Variants in NR4A2 observed in about 807,000 individuals in gnomAD.
The protein encoded by NR4A2 is nuclear receptor subfamily 4 group A member 2.
In NR4A2, 1 loss-of-function variant was observed where a neutral mutation model predicts 50.5. The observed-to-expected ratio is 0.02, with a 90% CI of 0.01 to 0.09. The LOEUF (loss-of-function observed/expected upper bound fraction) is 0.09, where lower values mean the gene tolerates loss of function less well. Ranked by LOEUF, NR4A2 falls within the 10% of genes least tolerant of loss-of-function variation. The probability of loss-of-function intolerance (pLI) is 1.00; values close to 1 mark genes in which losing one functional copy is unlikely to be tolerated. For synonymous variants in NR4A2, 328 were observed against 309.4 expected (o/e 1.06, Z -0.63); for missense variants, 613 against 777.3 (o/e 0.79, Z 2.51).
In NR4A2 at chr2:156,325,659, A is replaced by T. The variant is rs1441335772; in HGVS notation, c.*85T>A. The stretch of plus-strand genomic sequence containing the variant: ...GGCAGCTTGAGCTGAGACTGCTCAC[A>T]CGGCTATCTCTGCCCATGTGACTTG... On this transcript the variant is annotated 3_prime_UTR_variant, in exon 8 of 8. Coordinates refer to ENST00000339562, the MANE Select transcript of NR4A2 (RefSeq NM_006186.4). The T allele has an allele frequency of 7.8e-6, 12 of 1,547,476 alleles. No homozygotes were observed. The highest frequency in any genetic ancestry group is 4.1e-5 in the African/African-American group (3 of 73,486).
At position 156,326,730 on chromosome 2, in the gene NR4A2, C is replaced by T. The variant is rs776299489; in HGVS notation, c.1349G>A (p.Arg450Gln). ...ESAFLELFVL[R>Q]LAYRSNPVEG... ...CCTCCCTTATTACCTGTATGCTAAT[C>T]GAAGGACAAACAGTTCTAAGAAAGC... Residue 450 changes from arginine (R) to glutamine (Q), a missense_variant, in exon 6 of 8, where the codon CGA (arginine) becomes CAA (glutamine). This residue lies in a region of NR4A2 where 250 missense variants were observed against 311.3 expected (regional missense o/e 0.80). Transcript: ENST00000339562. This position sits in a 1 kb window ranked among gnomAD's most constrained non-coding sequence, Gnocchi z 4.2. The T allele has an allele frequency of 1.5e-5, 25 of 1,613,870 alleles. No individual in the cohort carries two copies. The highest frequency in any genetic ancestry group is 4.5e-5 in the East Asian group (2 of 44,896).
rs780025241 is a variant in NR4A2, at chr2:156,329,939, A to C, written c.248T>G (p.Leu83Arg). 1 of 1,614,186 alleles carries C rather than the reference A, an allele frequency of 6.2e-7. No individual in the cohort carries two copies. The highest frequency in any genetic ancestry group is 8.5e-7 in the Non-Finnish European group (1 of 1,180,028). Residue 83 changes from leucine (L) to arginine (R), a missense_variant, in exon 3 of 8, where the codon CTG (leucine) becomes CGG (arginine). Physicochemically the swap from Leu to Arg is moderately radical, Grantham distance 102. Around this residue, in one of 4 missense-constraint regions of NR4A2, gnomAD observed 275 missense variants for 248.9 expected, o/e 1.10. Coordinates refer to ENST00000339562, the MANE Select transcript of NR4A2 (RefSeq NM_006186.4). The surrounding 1 kb of genome is among the most constrained non-coding windows in gnomAD (Gnocchi z 7.5). ...CTTAATGGAGGACTGCTGTCCGGAC[A>C]GGGGCATTTGGTACAAGCAAGGTGG... ...VKPPCLYQMP[L>R]SGQQSSIKVE...
intron 5 of NR4A2, 113 bp from the exon 6 acceptor site, chr2:156,327,033 T>C: frequency 1.1e-6 from 1 of 935,360 alleles, no homozygotes; most frequent in Non-Finnish European, 1.7e-6. Flanking sequence ...ATTAAACCTC[T>C]CTCTGACCAG....
In NR4A2 at chr2:156,326,776, G is replaced by C. The variant is rs751894961; in HGVS notation, c.1303C>G (p.Gln435Glu). The change falls in exon 6 of 8, where the codon CAA (glutamine) becomes GAA (glutamate). Residue 435 changes from glutamine to glutamate, a missense_variant. Physicochemically the swap from Gln to Glu is conservative, Grantham distance 29. This residue lies in a region of NR4A2 where 250 missense variants were observed against 311.3 expected (regional missense o/e 0.80). Transcript: ENST00000339562. The surrounding 1 kb of genome is among the most constrained non-coding windows in gnomAD (Gnocchi z 4.2). The stretch of plus-strand genomic sequence containing the variant: ...AAAGCTGATTCAAAAAGCAGGTCTT[G>C]GTCGGCTTTGGGCAGGTCTGCGAAG... ...PGFADLPKAD[Q>E]DLLFESAFLE... The C allele has an allele frequency of 6.2e-7, 1 of 1,614,192 alleles. No homozygotes were observed. The highest frequency in any genetic ancestry group is 8.5e-7 in the Non-Finnish European group (1 of 1,180,032).
At position 156,329,881 on chromosome 2, in the gene NR4A2, T is replaced by C; in HGVS notation, c.306A>G (p.Gln102=). The change falls in exon 3 of 8, where the codon CAA becomes CAG. Residue 102 remains glutamine (Q), a synonymous_variant. Transcript: ENST00000339562. This position sits in a 1 kb window ranked among gnomAD's most constrained non-coding sequence, Gnocchi z 7.5. ...VEDIQMHNYQ[Q]HSHLPPQSEE... is the part of the protein sequence containing the mutation. ...CAGACTGGGGGGGCAGGTGGCTGTG[T>C]TGCTGGTAGTTGTGCATCTGAATGT... 1 of 1,614,120 alleles carries C rather than the reference T, an allele frequency of 6.2e-7. No homozygotes were observed. The highest frequency in any genetic ancestry group is 2.2e-5 in the East Asian group (1 of 44,874).
At position 156,329,585 on chromosome 2, in the gene NR4A2, G is replaced by T. The variant is rs963445165; in HGVS notation, c.602C>A (p.Pro201His). 4.4e-6 allele frequency: 7 copies of T among 1,604,710 alleles called. No homozygotes were observed. In the African/African-American group the frequency reaches 6.7e-5, roughly 15 times the overall value. ...QMRFDGPLHV[P>H]MNPEPAGSHH... Reference sequence around the variant, plus strand: ...GCTGCCGGCGGGCTCCGGGTTCATGGGGACGTGCAGGGGCCCGTCGAAGCG... The same window carrying T: ...GCTGCCGGCGGGCTCCGGGTTCATGTGGACGTGCAGGGGCCCGTCGAAGCG... The change falls in exon 3 of 8, where the codon CCC becomes CAC. Residue 201 changes from proline to histidine, a missense_variant. By Grantham distance (77) the Pro-to-His change is moderately conservative (BLOSUM62 -2). Coordinates refer to ENST00000339562, the MANE Select transcript of NR4A2 (RefSeq NM_006186.4). The surrounding 1 kb of genome is among the most constrained non-coding windows in gnomAD (Gnocchi z 7.5).
In NR4A2 at chr2:156,332,690, T is replaced by C; in HGVS notation, c.-337A>G. ...CGCGAGCCGCCGGGCGGACTGGCCC[T>C]GGCCGCCAATGTGCCTTTGTTTATG... On this transcript the variant is annotated 5_prime_UTR_variant, in exon 1 of 8. Coordinates refer to ENST00000339562, the MANE Select transcript of NR4A2 (RefSeq NM_006186.4). 1 of 376,946 alleles carries C rather than the reference T, an allele frequency of 2.7e-6. No individual in the cohort carries two copies. 23.4% of individuals were successfully genotyped at this position (376,946 alleles called of 1,614,324 possible). A position where few individuals can be genotyped will look rare whatever the true frequency, so the allele number is the denominator to read the frequency against.
At chr2:156,330,306 C>T (rs1487339104) in intron 2 of NR4A2, 118 bp from the exon 3 acceptor site, 6 of 1,202,030 alleles carry the variant, frequency 5.0e-6, no homozygotes, top group African/African-American at 3.0e-5. Context: ...CATGTAGGGG[C>T]GCGAGAGGAA....
At position 156,330,125 on chromosome 2, in the gene NR4A2, C is replaced by T. The variant is rs1686857258; in HGVS notation, c.62G>A (p.Ser21Asn). The T allele has an allele frequency of 6.2e-7, 1 of 1,614,142 alleles. No homozygotes were observed. Among genetic ancestry groups the T allele is most frequent in the African/African-American group, 1.3e-5 (1 of 75,020 alleles). The change falls in exon 3 of 8, where the codon AGC (serine) becomes AAC (asparagine). Residue 21 changes from serine (S) to asparagine (N), a missense_variant. Around this residue, in one of 4 missense-constraint regions of NR4A2, gnomAD observed 61 missense variants for 96.4 expected, o/e 0.63. Transcript: ENST00000339562. Reference sequence around the variant, plus strand: ...TTCTCCCGAAGAGTGGTAACTGTAGCTCTGAGAAGCGGGGCTGGCTCCTTG... The same window carrying T: ...TTCTCCCGAAGAGTGGTAACTGTAGTTCTGAGAAGCGGGGCTGGCTCCTTG... ...SPQGASPASQ[S>N]YSYHSSGEYS...
In NR4A2 at chr2:156,330,702, A is replaced by G. The variant is rs539611274; in HGVS notation, c.-37T>C. ...AGTTACAGGCGTTTTCGAGGAAATT[A>G]AAGGTGGACAGTGTCGTAATTCAAT... On this transcript the variant is annotated 5_prime_UTR_variant, in exon 2 of 8. Coordinates refer to ENST00000339562, the MANE Select transcript of NR4A2 (RefSeq NM_006186.4). 1 of 1,270,858 alleles carries G rather than the reference A, an allele frequency of 7.9e-7. No homozygotes were observed. Among genetic ancestry groups the G allele is most frequent in the African/African-American group, 1.5e-5 (1 of 65,752 alleles). 78.7% of individuals were successfully genotyped at this position (1,270,858 alleles called of 1,614,324 possible).
rs1439970793 is a variant in NR4A2 at position 156,324,571 on chromosome 2, C to A, written c.*1173G>T. On this transcript the variant is annotated 3_prime_UTR_variant, in exon 8 of 8. Transcript: ENST00000339562. ...GCAGTGACTCATATCATGTGCCATA[C>A]TAGAAATATACAAAGAAAAATACTA... is the stretch of plus-strand genomic sequence containing the variant. 1.3e-5 allele frequency: 2 copies of A among 152,502 alleles called. No individual in the cohort carries two copies. The highest frequency in any genetic ancestry group is 2.4e-5 in the African/African-American group (1 of 41,382). 9.4% of individuals were successfully genotyped at this position (152,502 alleles called of 1,614,324 possible).
chr2:156,332,294 C>G (rs1273738346), intron 1 of NR4A2, among the ~76,000 whole-genome samples, 186 bp downstream of exon 1: 1 of 152,218 alleles, frequency 6.6e-6, no homozygotes, highest in African/African-American at 2.4e-5. Flanking sequence ...AGTGCCAAAG[C>G]CGGAGTTCGA....
At position 156,328,090 on chromosome 2, in the gene NR4A2, A is replaced by G. The variant is rs1291592501; in HGVS notation, c.995-76T>C. On this transcript the variant is annotated intron_variant, in intron 4 of 7. Transcript: ENST00000339562. The surrounding 1 kb of genome is among the most constrained non-coding windows in gnomAD (Gnocchi z 4.9). ...TGCTGCCTCGGTCCCTCCCCGGGGA[A>G]GGCCGCAGCCGCGGGGCACCAGGCT... The G allele has an allele frequency of 2.1e-5, 32 of 1,549,658 alleles. No homozygotes were observed. Among genetic ancestry groups the G allele is most frequent in the Non-Finnish European group, 2.6e-5 (30 of 1,143,742 alleles).
At position 156,329,565 on chromosome 2, in the gene NR4A2, C is replaced by A; in HGVS notation, c.622G>T (p.Gly208Cys). Residue 208 changes from glycine to cysteine, a missense_variant, in exon 3 of 8, where the codon GGC becomes TGC. Gly to Cys is a radical substitution (Grantham distance 159). Around this residue, in one of 4 missense-constraint regions of NR4A2, gnomAD observed 275 missense variants for 248.9 expected, o/e 1.10. Coordinates refer to ENST00000339562, the MANE Select transcript of NR4A2 (RefSeq NM_006186.4). The surrounding 1 kb of genome is among the most constrained non-coding windows in gnomAD (Gnocchi z 7.5). ...LHVPMNPEPA[G>C]SHHVVDGQTF... ...TGCCCGTCCACCACGTGGTGGCTGC[C>A]GGCGGGCTCCGGGTTCATGGGGACG... 6.2e-7 allele frequency: 1 copy of A among 1,602,242 alleles called. No homozygotes were observed. Among genetic ancestry groups the A allele is most frequent in the Non-Finnish European group, 8.5e-7 (1 of 1,173,188 alleles).
rs1285038920 is a variant in NR4A2 at position 156,328,496 on chromosome 2, G to A, written c.902C>T (p.Ala301Val). The change falls in exon 4 of 8, where the codon GCA (alanine) becomes GTA (valine). Residue 301 changes from alanine (A) to valine (V), a missense_variant. Coordinates refer to ENST00000339562, the MANE Select transcript of NR4A2 (RefSeq NM_006186.4). This position sits in a 1 kb window ranked among gnomAD's most constrained non-coding sequence, Gnocchi z 4.9. ...CTTGTCCACTGGGCAGTTTTTATTT[G>A]CTAAACACACGTATTTTGCATTTTT... ...VQKNAKYVCL[A>V]NKNCPVDKRR... is the part of the protein sequence containing the mutation. 1 of 1,614,020 alleles carries A rather than the reference G, an allele frequency of 6.2e-7. No individual in the cohort carries two copies. The highest frequency in any genetic ancestry group is 8.5e-7 in the Non-Finnish European group (1 of 1,180,036).
rs562576602 is a variant in NR4A2, at chr2:156,329,851, C to T, written c.336G>A (p.Glu112=). 2 of 1,614,172 alleles carry T rather than the reference C, an allele frequency of 1.2e-6. No homozygotes were observed. The highest frequency in any genetic ancestry group is 2.7e-5 in the African/African-American group (2 of 75,046). The stretch of plus-strand genomic sequence containing the variant: ...AAACCGACCCGGAGTGCGGCATCAT[C>T]TCCTCAGACTGGGGGGGCAGGTGGC... The part of the protein sequence containing the change: ...QHSHLPPQSE[E]MMPHSGSVYY... Residue 112 remains glutamate, a synonymous_variant, in exon 3 of 8, where the codon GAG becomes GAA. Coordinates refer to ENST00000339562, the MANE Select transcript of NR4A2 (RefSeq NM_006186.4). This position sits in a 1 kb window ranked among gnomAD's most constrained non-coding sequence, Gnocchi z 7.5.
chr2:156,330,615 T>G, intron 2 of NR4A2, 53 bp downstream of exon 2: 1 of 1,364,938 alleles, frequency 7.3e-7, no homozygotes, highest in Non-Finnish European at 9.4e-7. Flanking sequence ...GTCCTGTTTC[T>G]TGATGTTTGG....
intron 2 of NR4A2, 136 bp downstream of exon 2, chr2:156,330,532 T>A: frequency 1.0e-6 from 1 of 965,286 alleles, no homozygotes; most frequent in Non-Finnish European, 1.5e-6. Flanking sequence ...AGAAATGAAG[T>A]TGAATTTCAC....
intron 5 of NR4A2, among the ~76,000 whole-genome samples, chr2:156,327,389 C>T (rs567728301): frequency 1.3e-5 from 2 of 152,314 alleles, no homozygotes; most frequent in South Asian, 2.1e-4. Flanking sequence ...TCTTTACACC[C>T]TCTCCTTCCC....
Sources: gnomAD v4.1 joint callset for allele counts (sites outside exome capture counted in the v4.1 genomes callset) on GRCh38, gnomAD v4.1.1 for gene constraint, gnomAD v4.1.1 regional missense constraint, Gnocchi (gnomAD v3.1) non-coding constraint, MANE v1.5 for transcripts, NCBI Gene and HGNC (gene_info 2026-07-23, HGNC 2026-07-21) for gene names.